Variants in PHF2 observed in about 807,000 individuals in gnomAD.
PHF2 encodes the protein lysine-specific demethylase PHF2.
A neutral mutation model predicts 120.5 loss-of-function variants in PHF2; 27 were observed. The ratio of observed to expected loss-of-function variants is 0.22; its 90% CI spans 0.17 to 0.31. PHF2 has a LOEUF of 0.31. Among genes scored for constraint, PHF2 ranks in the 10% least tolerant of loss-of-function variants. PHF2 has a pLI of 1.00. For synonymous variants in PHF2, 568 were observed against 592.5 expected, an observed-to-expected ratio of 0.96 and a Z score of 0.60; for missense variants, 1,024 against 1,434.8, an observed-to-expected ratio of 0.71 and a Z score of 4.63.
intron 1 of PHF2, among the ~76,000 whole-genome samples, chr9:93,622,471 C>T (rs929287136): frequency 6.6e-6 from 1 of 152,164 alleles, no homozygotes. Context: ...GCAGCTGCAG[C>T]GTCATCACAG....
chr9:93,617,840 G>A (rs1287653711), intron 1 of PHF2, among the ~76,000 whole-genome samples: 1 of 152,166 alleles, frequency 6.6e-6, no homozygotes, highest in Admixed American at 6.5e-5. Context: ...AGTCTTTTCA[G>A]GTTTGTCTCC....
At position 93,648,372 on chromosome 9, in the gene PHF2, G is replaced by A. The variant is rs989455886; in HGVS notation, c.461-699G>A. Reference sequence around the variant, plus strand: ...TGGGTGGGAGTGCTTTCATCTGTGGGGAGGCCTGTTGTGCCTGGCCACACT... The same window carrying A: ...TGGGTGGGAGTGCTTTCATCTGTGGAGAGGCCTGTTGTGCCTGGCCACACT... On this transcript the variant is annotated intron_variant, in intron 4 of 21. Coordinates refer to ENST00000359246, the MANE Select transcript of PHF2 (RefSeq NM_005392.4). Among the ~76,000 whole-genome samples the A allele has an allele frequency of 8.5e-5, 13 of 152,310 alleles. 1 individual carries two copies. The highest frequency in any genetic ancestry group is 2.6e-4 in the African/African-American group (11 of 41,566).
chr9:93,665,948 C>T (rs371498189), intron 15 of PHF2, 42 bp from the exon 16 acceptor site: 124 of 1,612,212 alleles, frequency 7.7e-5, no homozygotes, highest in Non-Finnish European at 1.0e-4. Flanking sequence ...GGCTGGCTCC[C>T]CGCAAGGCCT....
In PHF2 at chr9:93,677,859, T is replaced by G. The variant is rs1427234741; in HGVS notation, c.*183T>G. 1 of 585,376 alleles carries G rather than the reference T, an allele frequency of 1.7e-6. No individual in the cohort carries two copies. The highest frequency in any genetic ancestry group is 3.1e-6 in the Non-Finnish European group (1 of 327,674). 36.3% of individuals were successfully genotyped at this position (585,376 alleles called of 1,614,324 possible). A position where few individuals can be genotyped will look rare whatever the true frequency, so the allele number is the denominator to read the frequency against. On this transcript the variant is annotated 3_prime_UTR_variant, in exon 22 of 22. Coordinates refer to ENST00000359246, the MANE Select transcript of PHF2 (RefSeq NM_005392.4). The surrounding 1 kb of genome is among the most constrained non-coding windows in gnomAD (Gnocchi z 4.4). ...GAGCGAGCCCAGCGTGGCCCCTCAA[T>G]TTGAAAATGGACGTCTTTTCTCAAG...
intron 12 of PHF2, 137 bp downstream of exon 12, chr9:93,660,697 G>T: frequency 1.2e-6 from 1 of 802,654 alleles, no homozygotes; most frequent in Non-Finnish European, 1.9e-6. Context: ...GGGGGTCTGG[G>T]CTCTTGCTGT....
intron 20 of PHF2, among the ~76,000 whole-genome samples, chr9:93,676,358 C>T (rs545123683): frequency 6.6e-6 from 1 of 152,324 alleles, no homozygotes; most frequent in Non-Finnish European, 1.5e-5. Flanking sequence ...TGCCATCCTA[C>T]AGGCTCAACT....
chr9:93,659,312 C>T (rs1448397232), intron 10 of PHF2, among the ~76,000 whole-genome samples, 199 bp from the exon 11 acceptor site: 1 of 152,252 alleles, frequency 6.6e-6, no homozygotes, highest in African/African-American at 2.4e-5. Context: ...AGCTTGTCCT[C>T]TCTGGTACTT....
intron 1 of PHF2, among the ~76,000 whole-genome samples, chr9:93,602,247 C>CTTTTTT (rs67001312): frequency 0.015 from 1,226 of 79,618 alleles, 73 homozygotes; most frequent in Non-Finnish European, 0.02. Flanking sequence ...CCTAGAGATT[C>CTTTTTT]TTTTTTTTTT....
intron 20 of PHF2, 102 bp downstream of exon 20, chr9:93,675,891 AC>A: frequency 1.3e-6 from 1 of 790,844 alleles, no homozygotes; most frequent in Non-Finnish European, 2.1e-6. Context: ...CCATACACAG[AC>A]CCACTGAGCC....
At chr9:93,609,890 T>A (rs1184856766) in intron 1 of PHF2, among the ~76,000 whole-genome samples, 2 of 152,088 alleles carry the variant, frequency 1.3e-5, no homozygotes, top group Non-Finnish European at 2.9e-5. Flanking sequence ...AGAGATGGGG[T>A]TTCACCACGT....
intron 4 of PHF2, among the ~76,000 whole-genome samples, chr9:93,646,994 C>T (rs563165432): frequency 5.9e-5 from 9 of 152,304 alleles, no homozygotes; most frequent in Admixed American, 1.3e-4. Context: ...TGCCCTGAGC[C>T]GGGATCCAGC....
chr9:93,674,870 C>T (rs1297998776), intron 18 of PHF2, 57 bp from the exon 19 acceptor site: 8 of 1,316,964 alleles, frequency 6.1e-6, no homozygotes, highest in Non-Finnish European at 8.8e-6. Flanking sequence ...CCCCCGCCCT[C>T]CTCCGTGGAC....
intron 5 of PHF2, 73 bp from the exon 6 acceptor site, chr9:93,653,106 C>T: frequency 7.2e-7 from 1 of 1,394,716 alleles, no homozygotes; most frequent in Non-Finnish European, 1.0e-6. Context: ...CCTCACAGAA[C>T]ATGTTTCCCA....
intron 12 of PHF2, among the ~76,000 whole-genome samples, chr9:93,662,559 GAT>G (rs879287806): frequency 0.22 from 31,237 of 139,160 alleles, 3,350 homozygotes; most frequent in African/African-American, 0.27. Flanking sequence ...TGGATGGATG[GAT>G]GGATGGATGG....
intron 1 of PHF2, among the ~76,000 whole-genome samples, chr9:93,625,970 C>A (rs943092118): frequency 6.6e-6 from 1 of 151,824 alleles, no homozygotes; most frequent in Non-Finnish European, 1.5e-5. Flanking sequence ...TGGCCGGGCG[C>A]GGTGGCTCAT....
At chr9:93,588,491 G>A (rs1452496580) in intron 1 of PHF2, among the ~76,000 whole-genome samples, 1 of 152,158 alleles carries the variant, frequency 6.6e-6, no homozygotes, top group African/African-American at 2.4e-5. Context: ...AGACCTGGAG[G>A]GAGCCTGTAC....
rs893416172 is a variant in PHF2 at position 93,665,757 on chromosome 9, C to T, written c.2009C>T (p.Pro670Leu). The T allele has an allele frequency of 6.2e-7, 1 of 1,613,982 alleles. No individual in the cohort carries two copies. Among genetic ancestry groups the T allele is most frequent in the Non-Finnish European group, 8.5e-7 (1 of 1,180,036 alleles). Residue 670 changes from proline (P) to leucine (L), a missense_variant, in exon 15 of 22, where the codon CCC becomes CTC. Transcript: ENST00000359246. ...GALQNFKEDKPKPVRDEYEYV... is the reference protein window; with the variant it reads ...GALQNFKEDKLKPVRDEYEYV... ...TTGCAGAACTTCAAGGAGGACAAGC[C>T]CAAGCCCGTGCGGGATGAGTATGAG...
rs1826096596 is a variant in PHF2 at position 93,636,542 on chromosome 9, G to C, written c.299+17G>C. On this transcript the variant is annotated intron_variant, in intron 3 of 21. Transcript: ENST00000359246. ...CTTTCCCAGGTGGGCTGGCCTTCCTGTATGCTCCACCACCTGCAGCCAGGG... is the reference window on the plus strand; with the variant it reads ...CTTTCCCAGGTGGGCTGGCCTTCCTCTATGCTCCACCACCTGCAGCCAGGG... The C allele has an allele frequency of 6.5e-7, 1 of 1,531,812 alleles. No homozygotes were observed. The highest frequency in any genetic ancestry group is 1.4e-5 in the African/African-American group (1 of 73,316). The allele number at this position is 1,531,812 out of a possible 1,614,324, so 94.9% of individuals were successfully genotyped here.
At chr9:93,596,256 C>G (rs1271401189) in intron 1 of PHF2, among the ~76,000 whole-genome samples, 3 of 152,186 alleles carry the variant, frequency 2.0e-5, no homozygotes, top group Non-Finnish European at 4.4e-5. Flanking sequence ...GGAGGGCAAG[C>G]TGCATGTCAC....
Sources: allele counts gnomAD v4.1 joint callset (sites outside exome capture counted in the v4.1 genomes callset), GRCh38; gene constraint gnomAD v4.1.1; non-coding constraint Gnocchi (gnomAD v3.1); transcripts MANE v1.5; gene names NCBI Gene and HGNC (gene_info 2026-07-23, HGNC 2026-07-21).